The following HSP90AB1 variants were observed in gnomAD, a reference collection of about 807,000 sequenced individuals.
HSP90AB1 encodes heat shock protein 90 alpha family class B member 1, also known as heat shock protein HSP 90-beta.
HSP90AB1 carries 17 observed loss-of-function variants against 67.8 expected under a neutral mutation model. The observed-to-expected ratio is 0.25, with a 90% confidence interval of 0.17 to 0.38. HSP90AB1 has a LOEUF of 0.38. Among genes scored for constraint, HSP90AB1 ranks in the 10% least tolerant of loss-of-function variants. HSP90AB1 has a pLI of 1.00. For synonymous variants in HSP90AB1, 390 were observed against 312.9 expected (o/e 1.25, Z -2.60); for missense variants, 690 against 899.9 (o/e 0.77, Z 2.98).
chr6:44,246,995 C>A (rs1363130824), upstream of HSP90AB1: 1 of 152,206 alleles, frequency 6.6e-6, no homozygotes, highest in Non-Finnish European at 1.5e-5. Context: ...CTGGTGGCGG[C>A]AGGTGCGGGG....
chr6:44,253,535 TC>T lies in HSP90AB1; in HGVS notation c.2114del (p.Pro705LeufsTer34). 6.2e-7 allele frequency: 1 copy of T among 1,614,196 alleles called. No individual in the cohort carries two copies. Reference sequence around the variant, plus strand: ...CAGCAGAGGAACCCAATGCTGCAGTTCCTGATGAGATCCCCCCTCTCGAGGG... The same window carrying T: ...CAGCAGAGGAACCCAATGCTGCAGTTCTGATGAGATCCCCCCTCTCGAGGG... ...VAAEEPNAAV[P>X]DEIPPLEGDE... On this transcript the variant is annotated frameshift_variant, in exon 12 of 12. Transcript: ENST00000371646. LOFTEE classifies it high-confidence loss of function.
intron 4 of HSP90AB1, 27 bp downstream of exon 4, chr6:44,249,861 A>G (rs746386096): frequency 1.9e-6 from 3 of 1,598,748 alleles, no homozygotes; most frequent in Non-Finnish European, 2.6e-6. Flanking sequence ...GTTACAAGGT[A>G]GTTGGGTTAG....
chr6:44,253,446 A>G (rs1780988462), intron 11 of HSP90AB1, 43 bp from the exon 12 acceptor site: 7 of 1,604,124 alleles, frequency 4.4e-6, no homozygotes, highest in Non-Finnish European at 6.0e-6. Flanking sequence ...GATTTGACTT[A>G]ATGCTATTTG....
intron 6 of HSP90AB1, 45 bp downstream of exon 6, chr6:44,250,644 A>C (rs1231381001): frequency 9.3e-7 from 1 of 1,073,466 alleles, no homozygotes; most frequent in African/African-American, 1.6e-5. Flanking sequence ...ACATATGGAG[A>C]GGAATGAGTT....
chr6:44,248,881 G>T (rs1268019173), intron 2 of HSP90AB1, 105 bp downstream of exon 2: 5 of 999,214 alleles, frequency 5.0e-6, no homozygotes, highest in Non-Finnish European at 7.6e-6. Flanking sequence ...ATTGAAGGGG[G>T]TAAACTTGCA....
At position 44,252,003 on chromosome 6, in the gene HSP90AB1, G is replaced by C; in HGVS notation, c.1467G>C (p.Glu489Asp). The C allele has an allele frequency of 6.2e-7, 1 of 1,614,200 alleles. No individual in the cohort carries two copies. Among genetic ancestry groups the C allele is most frequent in the Non-Finnish European group, 8.5e-7 (1 of 1,180,042 alleles). The change falls in exon 10 of 12, where the codon GAG becomes GAC. Residue 489 changes from glutamate (E) to aspartate (D), a missense_variant. Physicochemically the swap from Glu to Asp is conservative, Grantham distance 45 (BLOSUM62 2). Coordinates refer to ENST00000371646, the MANE Select transcript of HSP90AB1 (RefSeq NM_007355.4). ...TQKSIYYITG[E>D]SKEQVANSAF... ...GTTCATTTAATTACCCTACAGGTGA[G>C]AGCAAAGAGCAGGTGGCCAACTCAG...
chr6:44,250,282 G>A lies in HSP90AB1; in HGVS notation c.649-9G>A. 1 of 1,612,098 alleles carries A rather than the reference G, an allele frequency of 6.2e-7. No individual in the cohort carries two copies. Among genetic ancestry groups the A allele is most frequent in the Non-Finnish European group, 8.5e-7 (1 of 1,179,064 alleles). ...TACTCCAAGGCTAACTTCTGTTTTT[G>A]TTACTTAGTTGGAGAAGGAACGAGA... On this transcript the variant is annotated splice_polypyrimidine_tract_variant and intron_variant, in intron 5 of 11. Transcript: ENST00000371646.
rs1291848542 is a variant in HSP90AB1, at chr6:44,249,499, C to T, written c.270C>T (p.Gly90=). 1 of 1,614,070 alleles carries T rather than the reference C, an allele frequency of 6.2e-7. No individual in the cohort carries two copies. Among genetic ancestry groups the T allele is most frequent in the Admixed American group, 1.7e-5 (1 of 60,028 alleles). The change falls in exon 3 of 12, where the codon GGC becomes GGT. Residue 90 remains glycine (G), a synonymous_variant. Transcript: ENST00000371646. The stretch of plus-strand genomic sequence containing the variant: ...GTACCCTGACTTTGGTAGACACAGG[C>T]ATTGGCATGACCAAAGCTGATCTCA... ...QERTLTLVDT[G]IGMTKADLIN...
chr6:44,252,369 C>T lies in HSP90AB1; in HGVS notation c.1731+102C>T, dbSNP rs185137025. 1.1e-5 allele frequency: 11 copies of T among 1,029,012 alleles called. No individual in the cohort carries two copies. In the Admixed American group the frequency reaches 1.2e-4, roughly 11 times the overall value. The allele number at this position is 1,029,012 out of a possible 1,614,324, so 63.7% of individuals were successfully genotyped here. A position where few individuals can be genotyped will look rare whatever the true frequency, so the allele number is the denominator to read the frequency against. On this transcript the variant is annotated intron_variant, in intron 10 of 11. Coordinates refer to ENST00000371646, the MANE Select transcript of HSP90AB1 (RefSeq NM_007355.4). ...TTAGTGGTTTGAGGCAGCCTATTTA[C>T]TGTTTCATGCCTTCTTGCCTCTTGT...
intron 1 of HSP90AB1, among the ~76,000 whole-genome samples, 168 bp downstream of exon 1, chr6:44,247,363 C>T (rs1780028878): frequency 6.6e-6 from 1 of 151,498 alleles, no homozygotes; most frequent in Admixed American, 6.6e-5. Flanking sequence ...TTTTTTGAGT[C>T]CTCCTCGGTT....
intron 1 of HSP90AB1, among the ~76,000 whole-genome samples, 191 bp from the exon 2 acceptor site, chr6:44,248,439 T>A (rs1780235672): frequency 6.6e-6 from 1 of 152,226 alleles, no homozygotes; most frequent in Non-Finnish European, 1.5e-5. Flanking sequence ...CCTTCTGAAT[T>A]TTCAGGCCTC....
In HSP90AB1 at chr6:44,248,752, G is replaced by A. The variant is rs1294080722; in HGVS notation, c.123G>A (p.Arg41=). The A allele has an allele frequency of 8.1e-6, 13 of 1,613,786 alleles. No individual in the cohort carries two copies. The highest frequency in any genetic ancestry group is 2.2e-5 in the East Asian group (1 of 44,900). The change falls in exon 2 of 12, where the codon CGG becomes CGA. Residue 41 remains arginine (R), a synonymous_variant. Coordinates refer to ENST00000371646, the MANE Select transcript of HSP90AB1 (RefSeq NM_007355.4). ...TFYSNKEIFL[R]ELISNASDAL... ...ATTCCAACAAGGAGATTTTCCTTCGGGAGTTGATCTCTAATGCTTCTGATG... is the reference window on the plus strand; with the variant it reads ...ATTCCAACAAGGAGATTTTCCTTCGAGAGTTGATCTCTAATGCTTCTGATG...
At position 44,249,469 on chromosome 6, in the gene HSP90AB1, G is replaced by A. The variant is rs373969944; in HGVS notation, c.240G>A (p.Gln80=). ...ELKIDIIPNP[Q]ERTLTLVDTG... The stretch of plus-strand genomic sequence containing the variant: ...AAATTGACATCATCCCCAACCCTCA[G>A]GAACGTACCCTGACTTTGGTAGACA... Residue 80 remains glutamine, a synonymous_variant, in exon 3 of 12, where the codon CAG becomes CAA. Transcript: ENST00000371646. 5.6e-6 allele frequency: 9 copies of A among 1,613,988 alleles called. No homozygotes were observed. The highest frequency in any genetic ancestry group is 6.8e-6 in the Non-Finnish European group (8 of 1,179,964).
upstream of HSP90AB1, among the ~76,000 whole-genome samples, chr6:44,246,519 G>T (rs1252049497): frequency 6.6e-6 from 1 of 152,136 alleles, no homozygotes; most frequent in East Asian, 1.9e-4. Context: ...GTCCCCGCCA[G>T]CCCCGGCCGG....
In HSP90AB1 at chr6:44,248,818, T is replaced by G. The variant is rs942142639; in HGVS notation, c.147+42T>G. Reference sequence around the variant, plus strand: ...CCACATTTGGCATGGTTTTTTTTTTTGATACTCTAGAAGGAGGGGAAAGGA... The same window carrying G: ...CCACATTTGGCATGGTTTTTTTTTTGGATACTCTAGAAGGAGGGGAAAGGA... On this transcript the variant is annotated intron_variant, in intron 2 of 11. Coordinates refer to ENST00000371646, the MANE Select transcript of HSP90AB1 (RefSeq NM_007355.4). The G allele has an allele frequency of 1.2e-4, 159 of 1,299,024 alleles. 1 individual carries two copies. Among genetic ancestry groups the G allele is most frequent in the Admixed American group, 8.4e-4 (44 of 52,630 alleles). 80.5% of individuals were successfully genotyped at this position (1,299,024 alleles called of 1,614,324 possible).
chr6:44,246,560 G>T (rs554685932), upstream of HSP90AB1, among the ~76,000 whole-genome samples: 46 of 152,332 alleles, frequency 3.0e-4, no homozygotes, highest in Non-Finnish European at 1.0e-4. Flanking sequence ...CTGCCCCTCA[G>T]CGCGAACCCT....
intron 10 of HSP90AB1, 62 bp from the exon 11 acceptor site, chr6:44,252,983 C>G: frequency 2.2e-6 from 3 of 1,375,716 alleles, no homozygotes; most frequent in South Asian, 2.5e-5. Context: ...TTAGGCTTGA[C>G]AATGCCTGTT....
At chr6:44,248,829 A>G (rs1340875702) in intron 2 of HSP90AB1, 53 bp downstream of exon 2, 4 of 1,505,694 alleles carry the variant, frequency 2.7e-6, no homozygotes, top group African/African-American at 1.4e-5. Context: ...GATACTCTAG[A>G]AGGAGGGGAA....
At position 44,253,675 on chromosome 6, in the gene HSP90AB1, C is replaced by G. The variant is rs774542343; in HGVS notation, c.*77C>G. 9.6e-7 allele frequency: 1 copy of G among 1,038,056 alleles called. No homozygotes were observed. The highest frequency in any genetic ancestry group is 1.6e-5 in the African/African-American group (1 of 63,880). 64.3% of individuals were successfully genotyped at this position (1,038,056 alleles called of 1,614,324 possible). ...GCTCCCACTGCAGCCTCGAGTGCCC[C>G]TGTCCCACCTGGCTCCCCCTGCTGG... On this transcript the variant is annotated 3_prime_UTR_variant, in exon 12 of 12. Coordinates refer to ENST00000371646, the MANE Select transcript of HSP90AB1 (RefSeq NM_007355.4).
Sources: allele counts gnomAD v4.1 joint callset (sites outside exome capture counted in the v4.1 genomes callset), GRCh38; gene constraint gnomAD v4.1.1; transcripts MANE v1.5; gene names NCBI Gene and HGNC (gene_info 2026-07-23, HGNC 2026-07-21).